Variants in KDM4B observed in about 807,000 individuals in gnomAD.
The protein encoded by KDM4B is lysine-specific demethylase 4B.
KDM4B carries 32 observed loss-of-function variants against 125.2 expected under a neutral mutation model. The ratio of observed to expected loss-of-function variants is 0.26; its 90% CI spans 0.19 to 0.34. The LOEUF is 0.34. KDM4B is among the 10% of genes least tolerant of loss of function. The pLI, the probability that KDM4B is intolerant of heterozygous loss-of-function variation, is 1.00. For synonymous variants in KDM4B, 721 were observed against 677.9 expected, an observed-to-expected ratio of 1.06 and a Z score of -0.99; for missense variants, 1,190 against 1,577.7, an observed-to-expected ratio of 0.75 and a Z score of 4.16.
Position 5,114,383 on chromosome 19 carries a change from G to T in KDM4B, c.1115+3565G>T, listed in dbSNP as rs754556642. ...CTCTGCCTTGGCCTGTCGCCCCTGC[G>T]CCAGTGCAGGACACCGCCACGCCTC... is the stretch of plus-strand genomic sequence containing the variant. On this transcript the variant is annotated intron_variant, in intron 10 of 22. Coordinates refer to ENST00000159111, the MANE Select transcript of KDM4B (RefSeq NM_015015.3). This position sits in a 1 kb window ranked among gnomAD's most constrained non-coding sequence, Gnocchi z 5.8. 2 of 543,972 alleles carry T rather than the reference G, an allele frequency of 3.7e-6. No individual in the cohort carries two copies. The highest frequency in any genetic ancestry group is 3.2e-6 in the Non-Finnish European group (1 of 308,114). The allele number at this position is 543,972 out of a possible 1,614,324, so 33.7% of individuals were successfully genotyped here.
Position 5,080,847 on chromosome 19 carries a change from A to G in KDM4B, c.781-1520A>G, listed in dbSNP as rs373899166. On this transcript the variant is annotated intron_variant, in intron 8 of 22. Transcript: ENST00000159111. ...AATAAATAACCATAGATCCACGCGC[A>G]ACCGAGTACTGTTTAGAAATGAAAA... 4 of 152,352 alleles carry G rather than the reference A, an allele frequency of 2.6e-5. No homozygotes were observed. The East Asian group carries it at 7.7e-4, about 29-fold the overall frequency. 9.4% of individuals were successfully genotyped at this position (152,352 alleles called of 1,614,324 possible).
At chr19:5,016,639 G>A (rs2035900774) in intron 2 of KDM4B, among the ~76,000 whole-genome samples, 1 of 152,222 alleles carries the variant, frequency 6.6e-6, no homozygotes, top group Non-Finnish European at 1.5e-5. Context: ...TGCATTTCGG[G>A]TGACACTGGG....
rs867001309 is a variant in KDM4B, at chr19:5,131,261, C to T, written c.1501C>T (p.Pro501Ser). The change falls in exon 12 of 23, where the codon CCC (proline) becomes TCC (serine). Residue 501 changes from proline (P) to serine (S), a missense_variant. Around this residue, in one of 7 missense-constraint regions of KDM4B, gnomAD observed 428 missense variants for 405.1 expected, o/e 1.06. Coordinates refer to ENST00000159111, the MANE Select transcript of KDM4B (RefSeq NM_015015.3). ...GPGPAAMEES[P>S]LPAPLNVVPP... is the part of the protein sequence containing the mutation. ...AGGCCCTGCAGCCATGGAGGAGAGC[C>T]CCCTGCCGGCACCCCTTAATGTCGT... 1 of 1,610,004 alleles carries T rather than the reference C, an allele frequency of 6.2e-7. No homozygotes were observed. Among genetic ancestry groups the T allele is most frequent in the South Asian group, 1.1e-5 (1 of 90,812 alleles).
At chr19:5,048,285 G>A (rs967640876) in intron 6 of KDM4B, among the ~76,000 whole-genome samples, 1 of 152,232 alleles carries the variant, frequency 6.6e-6, no homozygotes, top group Non-Finnish European at 1.5e-5. Context: ...AGGCCGTGTG[G>A]GGGTGTGTGT....
At chr19:5,118,773 C>T (rs1251123902) in intron 10 of KDM4B, among the ~76,000 whole-genome samples, 1 of 152,242 alleles carries the variant, frequency 6.6e-6, no homozygotes, top group African/African-American at 2.4e-5. Context: ...GCCTGTAAGC[C>T]TCAGGTTGAA....
Position 5,044,660 on chromosome 19 carries a change from G to C in KDM4B, c.433-2816G>C, listed in dbSNP as rs144145863. 7.5e-3 allele frequency among the ~76,000 whole-genome samples: 1,137 copies of C among 152,210 alleles called. 11 individuals are homozygous for C. Among genetic ancestry groups the C allele is most frequent in the African/African-American group, 0.026 (1,083 of 41,504 alleles). ...CCTCCTGGGTTCAAGCGATTCTCCT[G>C]CCTCAGCCTCCCGAGTAGCTGGGAT... On this transcript the variant is annotated intron_variant, in intron 5 of 22. Coordinates refer to ENST00000159111, the MANE Select transcript of KDM4B (RefSeq NM_015015.3).
chr19:5,118,408 C>G (rs1055893184), intron 10 of KDM4B, among the ~76,000 whole-genome samples: 1 of 152,188 alleles, frequency 6.6e-6, no homozygotes, highest in Non-Finnish European at 1.5e-5. Flanking sequence ...CACTGGGGAG[C>G]CGGGCTGTGC....
chr19:5,064,169 G>A (rs2037694253), intron 6 of KDM4B, among the ~76,000 whole-genome samples: 1 of 152,174 alleles, frequency 6.6e-6, no homozygotes, highest in South Asian at 2.1e-4. Context: ...GGCGCCACTG[G>A]CGTTTGGATC....
chr19:5,040,595 A>T (rs1013276164), intron 4 of KDM4B, among the ~76,000 whole-genome samples: 12 of 152,134 alleles, frequency 7.9e-5, no homozygotes, highest in African/African-American at 2.9e-4. Flanking sequence ...CAGTGTTCCG[A>T]GTACAGCTCC....
intron 1 of KDM4B, among the ~76,000 whole-genome samples, chr19:5,006,034 C>T (rs1015697759): frequency 6.6e-6 from 1 of 152,028 alleles, no homozygotes; most frequent in African/African-American, 2.4e-5. Context: ...GGAGAGGGCT[C>T]ATGGGTAGGG....
Position 5,142,143 on chromosome 19 carries a change from C to T in KDM4B, c.2551-1824C>T, listed in dbSNP as rs2039755277. On this transcript the variant is annotated intron_variant, in intron 18 of 22. Transcript: ENST00000159111. This position sits in a 1 kb window ranked among gnomAD's most constrained non-coding sequence, Gnocchi z 5.4. ...CTCTGAAGCCCACCCGCGTCGTCCT[C>T]ACAGCCCTGTGGCCTCCGAGGAAGG... 1.3e-5 allele frequency among the ~76,000 whole-genome samples: 2 copies of T among 152,188 alleles called. No homozygotes were observed. The highest frequency in any genetic ancestry group is 6.5e-5 in the Admixed American group (1 of 15,290).
chr19:5,092,586 A>G, intron 9 of KDM4B, among the ~76,000 whole-genome samples: 1 of 152,044 alleles, frequency 6.6e-6, no homozygotes, highest in Admixed American at 6.5e-5. Context: ...GGCAGCCCCC[A>G]GTCTTCTCTA....
At chr19:5,135,314 C>A (rs1380056569) in intron 14 of KDM4B, 25 bp from the exon 15 acceptor site, 1 of 1,548,156 alleles carries the variant, frequency 6.5e-7, no homozygotes, top group African/African-American at 1.4e-5. Flanking sequence ...GGCTCTGTCC[C>A]CTGAAGGTCG....
At chr19:5,067,828 C>G (rs958874638) in intron 6 of KDM4B, among the ~76,000 whole-genome samples, 6 of 152,134 alleles carry the variant, frequency 3.9e-5, no homozygotes, top group African/African-American at 1.4e-4. Flanking sequence ...CCGTGCCACC[C>G]GGGCACACAG....
rs575737842 is a variant in KDM4B, at chr19:5,103,797, G to A, written c.919-6825G>A. Among the ~76,000 whole-genome samples the A allele has an allele frequency of 2.6e-5, 4 of 152,376 alleles. No homozygotes were observed. In the South Asian group the frequency reaches 8.3e-4, roughly 32 times the overall value. On this transcript the variant is annotated intron_variant, in intron 9 of 22. Transcript: ENST00000159111. ...TGGAGGGAACAGCCCCGAGCCCAGG[G>A]GGCCTGGCTTTTGCTCTGTGAGGCT...
chr19:5,142,135 G>A lies in KDM4B; in HGVS notation c.2551-1832G>A, dbSNP rs541010076. On this transcript the variant is annotated intron_variant, in intron 18 of 22. Coordinates refer to ENST00000159111, the MANE Select transcript of KDM4B (RefSeq NM_015015.3). The surrounding 1 kb of genome is among the most constrained non-coding windows in gnomAD (Gnocchi z 5.4). Reference sequence around the variant, plus strand: ...CTGCAGACCTCTGAAGCCCACCCGCGTCGTCCTCACAGCCCTGTGGCCTCC... The same window carrying A: ...CTGCAGACCTCTGAAGCCCACCCGCATCGTCCTCACAGCCCTGTGGCCTCC... 2.3e-4 allele frequency among the ~76,000 whole-genome samples: 35 copies of A among 152,242 alleles called. No individual in the cohort carries two copies. The South Asian group carries it at 6.6e-3, about 29-fold the overall frequency.
chr19:5,026,125 G>A (rs2036270467), intron 2 of KDM4B, among the ~76,000 whole-genome samples: 1 of 151,694 alleles, frequency 6.6e-6, no homozygotes, highest in Non-Finnish European at 1.5e-5. Flanking sequence ...AAGAAACCCA[G>A]GGACAGGGCG....
chr19:4,989,037 A>G (rs2034942838), intron 1 of KDM4B, among the ~76,000 whole-genome samples: 1 of 152,222 alleles, frequency 6.6e-6, no homozygotes, highest in African/African-American at 2.4e-5. Flanking sequence ...AAACAGGACA[A>G]AATGTATTTC....
intron 8 of KDM4B, chr19:5,079,282 C>T (rs1383800572): frequency 6.6e-6 from 1 of 152,166 alleles, no homozygotes; most frequent in African/African-American, 2.4e-5. Context: ...ATGACTTTGC[C>T]GCAAAGCCTA....
Sources: allele counts gnomAD v4.1 joint callset (sites outside exome capture counted in the v4.1 genomes callset), GRCh38; gene constraint gnomAD v4.1.1; regional missense constraint gnomAD v4.1.1; non-coding constraint Gnocchi (gnomAD v3.1); transcripts MANE v1.5; gene names NCBI Gene and HGNC (gene_info 2026-07-23, HGNC 2026-07-21).